NKIRAS2: variants seen among roughly 807,000 people sequenced by gnomAD.
NKIRAS2 encodes the protein NFKB inhibitor interacting Ras like 2.
A neutral mutation model predicts 20.7 loss-of-function variants in NKIRAS2; 15 were observed. That is an observed-to-expected ratio of 0.73 (90% CI 0.49 to 1.12). The LOEUF is 1.12. NKIRAS2 is among the 50% of genes most tolerant of loss of function. The pLI, the probability that NKIRAS2 is intolerant of heterozygous loss-of-function variation, is 0.00. For missense variants in NKIRAS2, 196 were observed against 249.6 expected (o/e 0.79, Z 1.45); for synonymous variants, 116 against 101.4 (o/e 1.14, Z -0.87).
In NKIRAS2 at chr17:42,022,383, T is replaced by G; in HGVS notation, c.95-16T>G. ...TCTCTCTCTCCACTTCAGACAGTTT[T>G]CTCATTTTATACCAGGTTCGGAGAT... is the stretch of plus-strand genomic sequence containing the variant. On this transcript the variant is annotated splice_polypyrimidine_tract_variant and intron_variant, in intron 2 of 3. Transcript: ENST00000393885. 1 of 1,558,972 alleles carries G rather than the reference T, an allele frequency of 6.4e-7. No individual in the cohort carries two copies. The highest frequency in any genetic ancestry group is 8.7e-7 in the Non-Finnish European group (1 of 1,147,856).
chr17:42,024,436 T>G lies in NKIRAS2; in HGVS notation c.*543T>G, dbSNP rs1275011698. ...ACCTTTCTCCTGTCCTTTTCTTGGC[T>G]GGAAGAAGTTGGCCTCCTGGGAGTG... On this transcript the variant is annotated 3_prime_UTR_variant, in exon 4 of 4. Coordinates refer to ENST00000393885, the MANE Select transcript of NKIRAS2 (RefSeq NM_017595.6). 6.4e-6 allele frequency: 1 copy of G among 155,870 alleles called. No homozygotes were observed. Among genetic ancestry groups the G allele is most frequent in the African/African-American group, 2.4e-5 (1 of 41,460 alleles). The allele number at this position is 155,870 out of a possible 1,614,324, so 9.7% of individuals were successfully genotyped here. A position where few individuals can be genotyped will look rare whatever the true frequency, so the allele number is the denominator to read the frequency against.
At chr17:42,019,427 A>C (rs1337824031), upstream of NKIRAS2, among the ~76,000 whole-genome samples, 1 of 152,164 alleles carries the variant, frequency 6.6e-6, no homozygotes, top group Non-Finnish European at 1.5e-5. Context: ...CTTCATTGGC[A>C]ATGGCTTTCC....
Position 42,023,948 on chromosome 17 carries a change from G to T in NKIRAS2, c.*55G>T. Reference sequence around the variant, plus strand: ...GCCCCATTTCAGTGTCTGGGGCTCTGGTAGATGTGTTGAGGGCAAAGTAGA... The same window carrying T: ...GCCCCATTTCAGTGTCTGGGGCTCTTGTAGATGTGTTGAGGGCAAAGTAGA... On this transcript the variant is annotated 3_prime_UTR_variant, in exon 4 of 4. Coordinates refer to ENST00000393885, the MANE Select transcript of NKIRAS2 (RefSeq NM_017595.6). 6.3e-7 allele frequency: 1 copy of T among 1,592,622 alleles called. No individual in the cohort carries two copies. The highest frequency in any genetic ancestry group is 1.1e-5 in the South Asian group (1 of 87,618).
chr17:42,018,697 C>G (rs1463716607), upstream of NKIRAS2, among the ~76,000 whole-genome samples: 2 of 152,212 alleles, frequency 1.3e-5, no homozygotes, highest in African/African-American at 4.8e-5. Context: ...GCTAGCCAAC[C>G]TGTCTCACCA....
Position 42,021,581 on chromosome 17 carries a change from G to T in NKIRAS2, c.4G>T (p.Gly2Trp). The change falls in exon 2 of 4, where the codon GGG (glycine) becomes TGG (tryptophan). Residue 2 changes from glycine (G) to tryptophan (W), a missense_variant. Coordinates refer to ENST00000393885, the MANE Select transcript of NKIRAS2 (RefSeq NM_017595.6). ...TCTTCAAGGTTGAAAACTAAGCATG[G>T]GGAAGAGCTGCAAGGTGGTCGTGTG... M[G>W]KSCKVVVCGQ... 1 of 1,614,120 alleles carries T rather than the reference G, an allele frequency of 6.2e-7. No homozygotes were observed. Among genetic ancestry groups the T allele is most frequent in the Non-Finnish European group, 8.5e-7 (1 of 1,180,002 alleles).
rs372292232 is a variant in NKIRAS2 at position 42,023,851 on chromosome 17, C to T, written c.534C>T (p.Pro178=). 5.0e-6 allele frequency: 8 copies of T among 1,614,056 alleles called. No individual in the cohort carries two copies. The African/African-American group carries it at 8.0e-5, about 16-fold the overall frequency. Residue 178 remains proline (P), a synonymous_variant, in exon 4 of 4, where the codon CCC becomes CCT. Transcript: ENST00000393885. ...MTQPQSKSAF[P]LSRKNKGSGS... ...AACCCCAGAGCAAGTCTGCCTTCCC[C>T]CTCAGCCGGAAGAACAAGGGCAGCG...
chr17:42,021,295 A>C (rs546876807), intron 1 of NKIRAS2: 134 of 376,246 alleles, frequency 3.6e-4, no homozygotes, highest in Non-Finnish European at 6.1e-4. Flanking sequence ...TACTGGGGAT[A>C]ACAAAGACGA....
At chr17:42,021,902 G>C in intron 2 of NKIRAS2, 1 of 713,972 alleles carries the variant, frequency 1.4e-6, no homozygotes, top group East Asian at 2.7e-5. Context: ...GCTTAGCATG[G>C]AATTAGCATA....
In NKIRAS2 at chr17:42,024,827, C is replaced by T. The variant is rs1372424139; in HGVS notation, c.*934C>T. ...CTACCAATTGTTTTACTTCCTCTTC[C>T]TGCTCAGGGAGCAGATGGGCCTCAC... On this transcript the variant is annotated 3_prime_UTR_variant, in exon 4 of 4. Coordinates refer to ENST00000393885, the MANE Select transcript of NKIRAS2 (RefSeq NM_017595.6). 1 of 152,268 alleles carries T rather than the reference C, an allele frequency of 6.6e-6. No individual in the cohort carries two copies. The highest frequency in any genetic ancestry group is 6.6e-5 in the Admixed American group (1 of 15,254). The allele number at this position is 152,268 out of a possible 1,614,324, so 9.4% of individuals were successfully genotyped here.
chr17:42,021,153 G>A (rs2052437450), intron 1 of NKIRAS2: 1 of 181,400 alleles, frequency 5.5e-6, no homozygotes, highest in Non-Finnish European at 1.2e-5. Flanking sequence ...AGGAAGCTGG[G>A]CTGAGCTCCC....
chr17:42,020,031 T>A (rs1166657899), upstream of NKIRAS2: 1 of 152,404 alleles, frequency 6.6e-6, no homozygotes, highest in East Asian at 1.9e-4. Context: ...CTCTCTCCGC[T>A]GCCGGAATTC....
chr17:42,023,196 G>A, intron 3 of NKIRAS2: 1 of 246,492 alleles, frequency 4.1e-6, no homozygotes, highest in Non-Finnish European at 8.4e-6. Flanking sequence ...ATGGGGTTTT[G>A]TCATGTTGCT....
rs782606464 is a variant in NKIRAS2, at chr17:42,023,852, C to A, written c.535C>A (p.Leu179Ile). ...TQPQSKSAFP[L>I]SRKNKGSGSL... ...ACCCCAGAGCAAGTCTGCCTTCCCC[C>A]TCAGCCGGAAGAACAAGGGCAGCGG... is the stretch of plus-strand genomic sequence containing the variant. Residue 179 changes from leucine to isoleucine, a missense_variant, in exon 4 of 4, where the codon CTC (leucine) becomes ATC (isoleucine). Transcript: ENST00000393885. 4 of 1,614,212 alleles carry A rather than the reference C, an allele frequency of 2.5e-6. No individual in the cohort carries two copies. The highest frequency in any genetic ancestry group is 4.5e-5 in the East Asian group (2 of 44,890).
chr17:42,024,173 CCAG>C lies in NKIRAS2; in HGVS notation c.*282_*284del, dbSNP rs2052524041. 2.4e-6 allele frequency: 1 copy of C among 418,700 alleles called. No individual in the cohort carries two copies. Among genetic ancestry groups the C allele is most frequent in the African/African-American group, 2.0e-5 (1 of 49,460 alleles). 25.9% of individuals were successfully genotyped at this position (418,700 alleles called of 1,614,324 possible). A position where few individuals can be genotyped will look rare whatever the true frequency, so the allele number is the denominator to read the frequency against. ...GGGCAGTTGTGGGTCACTGTCCCTTCCAGCTGCCCCAGACAGGAAGCAGAGTCA... is the reference window on the plus strand; with the variant it reads ...GGGCAGTTGTGGGTCACTGTCCCTTCCTGCCCCAGACAGGAAGCAGAGTCA... On this transcript the variant is annotated 3_prime_UTR_variant, in exon 4 of 4. Transcript: ENST00000393885.
chr17:42,024,084 T>G lies in NKIRAS2; in HGVS notation c.*191T>G. On this transcript the variant is annotated 3_prime_UTR_variant, in exon 4 of 4. Coordinates refer to ENST00000393885, the MANE Select transcript of NKIRAS2 (RefSeq NM_017595.6). ...GCAAATACTCTTGGTTGACATCCCC[T>G]TCCTCAGCCCTCCCAGCCTACTCCC... 1 of 800,300 alleles carries G rather than the reference T, an allele frequency of 1.2e-6. No homozygotes were observed. The highest frequency in any genetic ancestry group is 1.9e-6 in the Non-Finnish European group (1 of 527,226). 49.6% of individuals were successfully genotyped at this position (800,300 alleles called of 1,614,324 possible). A position where few individuals can be genotyped will look rare whatever the true frequency, so the allele number is the denominator to read the frequency against.
At chr17:42,022,758 G>T in intron 3 of NKIRAS2, 118 bp downstream of exon 3, 11 of 1,288,720 alleles carry the variant, frequency 8.5e-6, no homozygotes, top group Non-Finnish European at 1.2e-5. Flanking sequence ...GGAGCCAGAG[G>T]TGGGGTGGAG....
At chr17:42,019,716 C>T (rs1444392381), upstream of NKIRAS2, among the ~76,000 whole-genome samples, 2 of 152,236 alleles carry the variant, frequency 1.3e-5, no homozygotes, top group Non-Finnish European at 2.9e-5. Flanking sequence ...TCTAGCTTCT[C>T]TAGACCGTGA....
chr17:42,018,003 A>G (rs1215141454), upstream of NKIRAS2, among the ~76,000 whole-genome samples: 3 of 152,036 alleles, frequency 2.0e-5, no homozygotes, highest in Non-Finnish European at 1.5e-5. Flanking sequence ...CGGATCTCCA[A>G]ACACCAACTG....
At chr17:42,022,988 CCTT>C (rs1228525154) in intron 3 of NKIRAS2, 2 of 284,944 alleles carry the variant, frequency 7.0e-6, no homozygotes, top group Non-Finnish European at 1.4e-5. Flanking sequence ...CTATGAAAGC[CCTT>C]CTTTTGTTTG....
Sources: allele counts gnomAD v4.1 joint callset (sites outside exome capture counted in the v4.1 genomes callset), GRCh38; gene constraint gnomAD v4.1.1; transcripts MANE v1.5; gene names NCBI Gene and HGNC (gene_info 2026-07-23, HGNC 2026-07-21).